SDK1: variants seen among roughly 807,000 people sequenced by gnomAD.
SDK1 encodes protein sidekick-1.
SDK1 carries 157 observed loss-of-function variants against 245.5 expected under a neutral mutation model. That is an observed-to-expected ratio of 0.64 (90% confidence interval 0.56 to 0.73). The LOEUF (loss-of-function observed/expected upper bound fraction) is 0.73, where lower values mean the gene tolerates loss of function less well. SDK1 is among the 30% of genes least tolerant of loss of function. SDK1 has a pLI of 0.00. For synonymous variants in SDK1, 1,647 were observed against 1,278.5 expected (o/e 1.29, Z -6.15); for missense variants, 3,583 against 3,002.3 (o/e 1.19, Z -4.52).
At chr7:3,876,494 A>G (rs896575101) in intron 5 of SDK1, among the ~76,000 whole-genome samples, 1 of 152,230 alleles carries the variant, frequency 6.6e-6, no homozygotes, top group African/African-American at 2.4e-5. Flanking sequence ...TAAAATGAAC[A>G]GATGCTTTTA....
At chr7:3,310,056 C>A (rs1779514058) in intron 1 of SDK1, among the ~76,000 whole-genome samples, 1 of 152,158 alleles carries the variant, frequency 6.6e-6, no homozygotes, top group African/African-American at 2.4e-5. Flanking sequence ...ATAACTAGAG[C>A]CACATGCTCA....
intron 1 of SDK1, among the ~76,000 whole-genome samples, chr7:3,522,901 A>G (rs756004941): frequency 3.1e-4 from 12 of 39,018 alleles, no homozygotes. Flanking sequence ...TTAGTTTGTT[A>G]AATTCAAAGT....
chr7:4,232,387 TTTTTCTTTTC>T, intron 40 of SDK1, among the ~76,000 whole-genome samples: 1 of 139,620 alleles, frequency 7.2e-6, no homozygotes, highest in Non-Finnish European at 1.5e-5. Flanking sequence ...CTTTTTTCTT[TTTTTCTTTTC>T]TTTTCTTTTC....
At position 4,139,603 on chromosome 7, in the gene SDK1, ATG is replaced by A. The variant is rs1234432507; in HGVS notation, c.4229-6111_4229-6110del. Among the ~76,000 whole-genome samples, 124 of 31,200 alleles carry A rather than the reference ATG, an allele frequency of 4.0e-3. 6 individuals carry two copies. The highest frequency in any genetic ancestry group is 0.036 in the Middle Eastern group (2 of 56). The allele number at this position is 31,200 out of a possible 152,430, so 20.5% of individuals were successfully genotyped here. On this transcript the variant is annotated intron_variant, in intron 28 of 44. Transcript: ENST00000404826. ...TGTGTATGTGTGTGTATATGTATAT[ATG>A]TGTGTGTATATGTGTGTGTGTATAT...
chr7:3,650,002 AT>A (rs1357352822), intron 4 of SDK1, among the ~76,000 whole-genome samples: 1 of 121,386 alleles, frequency 8.2e-6, no homozygotes, highest in Non-Finnish European at 1.9e-5. Context: ...AGAGGTTGCT[AT>A]TTTTTGTTTT....
Position 3,474,091 on chromosome 7 carries a change from G to GTTTTTTTTTT in SDK1, c.299-144967_299-144958dup, listed in dbSNP as rs869083123. ...CAACTTGACATCTCTACCAGATGGT[G>GTTTTTTTTTT]TTTTTTTTTTTTTTTTTTTTTTTTT... On this transcript the variant is annotated intron_variant, in intron 1 of 44. Coordinates refer to ENST00000404826, the MANE Select transcript of SDK1 (RefSeq NM_152744.4). Among the ~76,000 whole-genome samples, 25 of 43,228 alleles carry GTTTTTTTTTT rather than the reference G, an allele frequency of 5.8e-4. 9 individuals carry two copies. The highest frequency in any genetic ancestry group is 1.8e-3 in the African/African-American group (18 of 9,910). 28.4% of individuals were successfully genotyped at this position (43,228 alleles called of 152,430 possible).
chr7:4,078,950 C>A (rs1442410419), intron 21 of SDK1, among the ~76,000 whole-genome samples: 1 of 152,248 alleles, frequency 6.6e-6, no homozygotes, highest in Middle Eastern at 3.4e-3. Context: ...CTGATCCTGA[C>A]CGGGTGTCAC....
At position 3,979,415 on chromosome 7, in the gene SDK1, A is replaced by G. The variant is rs749068599; in HGVS notation, c.1994+4870A>G. Among the ~76,000 whole-genome samples, 12 of 152,066 alleles carry G rather than the reference A, an allele frequency of 7.9e-5. 1 individual carries two copies. The highest frequency in any genetic ancestry group is 6.2e-4 in the South Asian group (3 of 4,818). On this transcript the variant is annotated intron_variant, in intron 13 of 44. Transcript: ENST00000404826. ...CCCTGCATTATTCTGACTACATTCTATGACCTTCTGACACTAGACTCGAGA... is the reference window on the plus strand; with the variant it reads ...CCCTGCATTATTCTGACTACATTCTGTGACCTTCTGACACTAGACTCGAGA...
At chr7:3,480,002 C>T (rs1417687212) in intron 1 of SDK1, among the ~76,000 whole-genome samples, 2 of 152,082 alleles carry the variant, frequency 1.3e-5, no homozygotes, top group Admixed American at 6.5e-5. Context: ...CACCTGTCCA[C>T]GCCCAAAGTA....
chr7:4,082,702 C>A (rs938002079), intron 22 of SDK1, among the ~76,000 whole-genome samples: 3 of 152,020 alleles, frequency 2.0e-5, no homozygotes, highest in African/African-American at 7.3e-5. Context: ...CTCACTACAA[C>A]CTCTGCCTCC....
intron 1 of SDK1, among the ~76,000 whole-genome samples, chr7:3,582,393 C>G (rs1328976026): frequency 1.5e-5 from 2 of 135,130 alleles, no homozygotes; most frequent in African/African-American, 2.8e-5. Context: ...AGGTAGGTCT[C>G]CCTCAGGTAG....
chr7:3,325,174 G>C (rs1185732774), intron 1 of SDK1, among the ~76,000 whole-genome samples: 1 of 151,932 alleles, frequency 6.6e-6, no homozygotes, highest in Non-Finnish European at 1.5e-5. Context: ...ATTCTGATGT[G>C]GAGATTTGAG....
intron 1 of SDK1, among the ~76,000 whole-genome samples, chr7:3,614,405 TAC>T (rs982303023): frequency 5.9e-5 from 9 of 152,312 alleles, no homozygotes; most frequent in South Asian, 4.1e-4. Context: ...TTATTTGAAA[TAC>T]ACACACACCC....
At chr7:3,521,255 C>CT (rs1562537060) in intron 1 of SDK1, among the ~76,000 whole-genome samples, 2 of 152,180 alleles carry the variant, frequency 1.3e-5, no homozygotes, top group Admixed American at 1.3e-4. Flanking sequence ...CATCTTTCTG[C>CT]TTTAAGAGAT....
chr7:3,835,642 C>T (rs1235256902), intron 5 of SDK1, among the ~76,000 whole-genome samples: 4 of 152,196 alleles, frequency 2.6e-5, no homozygotes, highest in Non-Finnish European at 5.9e-5. Context: ...ATTCATCTCT[C>T]TGTCCATCTG....
At chr7:4,249,273 C>T (rs544090392) in intron 44 of SDK1, among the ~76,000 whole-genome samples, 1 of 152,338 alleles carries the variant, frequency 6.6e-6, no homozygotes, top group East Asian at 1.9e-4. Flanking sequence ...ATGAGCTGGA[C>T]TGGAGAGGCA....
chr7:3,567,153 G>A (rs1307109203), intron 1 of SDK1, among the ~76,000 whole-genome samples: 1 of 152,136 alleles, frequency 6.6e-6, no homozygotes, highest in African/African-American at 2.4e-5. Flanking sequence ...TACATTGTTA[G>A]GTTTTTTAAA....
intron 35 of SDK1, among the ~76,000 whole-genome samples, chr7:4,201,505 C>G (rs1783878611): frequency 1.3e-5 from 2 of 152,198 alleles, no homozygotes; most frequent in Admixed American, 1.3e-4. Flanking sequence ...AAAACATTAA[C>G]ATTGATTCTC....
At chr7:3,656,312 A>T (rs1021447419) in intron 4 of SDK1, among the ~76,000 whole-genome samples, 1 of 152,140 alleles carries the variant, frequency 6.6e-6, no homozygotes, top group Admixed American at 6.5e-5. Flanking sequence ...TCTGCTAGAT[A>T]GTTTGTTTCA....
Sources: gnomAD v4.1 joint callset for allele counts (sites outside exome capture counted in the v4.1 genomes callset) on GRCh38, gnomAD v4.1.1 for gene constraint, MANE v1.5 for transcripts, NCBI Gene and HGNC (gene_info 2026-07-23, HGNC 2026-07-21) for gene names.